The following IMMP2L variants were observed in gnomAD, a reference collection of about 807,000 sequenced individuals.
IMMP2L encodes mitochondrial inner membrane protease subunit 2.
In IMMP2L, 18 loss-of-function variants were observed where a neutral mutation model predicts 19.3. The ratio of observed to expected loss-of-function variants is 0.93; its 90% CI spans 0.64 to 1.38. The LOEUF is 1.38. IMMP2L is among the 40% of genes most tolerant of loss of function. IMMP2L has a pLI of 0.00. For synonymous variants in IMMP2L, 76 were observed against 73.0 expected, an observed-to-expected ratio of 1.04 and a Z score of -0.21; for missense variants, 233 against 218.2, an observed-to-expected ratio of 1.07 and a Z score of -0.43.
At chr7:111,225,071 T>C (rs1013284869) in intron 3 of IMMP2L, among the ~76,000 whole-genome samples, 1 of 152,142 alleles carries the variant, frequency 6.6e-6, no homozygotes, top group Non-Finnish European at 1.5e-5. Context: ...AGCCACTTTT[T>C]TCCACCAAAC....
At chr7:110,687,673 G>A (rs1383167796) in intron 5 of IMMP2L, among the ~76,000 whole-genome samples, 2 of 145,016 alleles carry the variant, frequency 1.4e-5, no homozygotes, top group South Asian at 2.1e-4. Context: ...AATTAAAAAT[G>A]TTACACTTTT....
chr7:111,443,792 T>TA (rs1837996968), intron 3 of IMMP2L, among the ~76,000 whole-genome samples: 1 of 152,268 alleles, frequency 6.6e-6, no homozygotes, highest in South Asian at 2.1e-4. Flanking sequence ...TCTTTAAACT[T>TA]AGTGTATTTT....
chr7:110,729,901 T>G (rs1796139259), intron 5 of IMMP2L, among the ~76,000 whole-genome samples: 1 of 151,574 alleles, frequency 6.6e-6, no homozygotes, highest in South Asian at 2.1e-4. Context: ...ATCCTGCACA[T>G]GTACTCCAGA....
intron 3 of IMMP2L, among the ~76,000 whole-genome samples, chr7:111,330,320 AG>A (rs1398645242): frequency 3.3e-5 from 5 of 151,840 alleles, no homozygotes; most frequent in African/African-American, 1.2e-4. Context: ...AAAAGTAAAA[AG>A]GGTCAAAGAG....
At chr7:111,300,327 T>C (rs1822085544) in intron 3 of IMMP2L, among the ~76,000 whole-genome samples, 1 of 152,188 alleles carries the variant, frequency 6.6e-6, no homozygotes. Context: ...TCACTAGGGC[T>C]GGAAGTCATA....
intron 3 of IMMP2L, among the ~76,000 whole-genome samples, chr7:111,058,564 G>A (rs866025171): frequency 1.2e-4 from 19 of 152,098 alleles, no homozygotes; most frequent in East Asian, 3.9e-4. Flanking sequence ...ATGAATTTGC[G>A]CATTTATGAA....
chr7:111,405,226 A>C (rs1039189903), intron 3 of IMMP2L, among the ~76,000 whole-genome samples: 5 of 152,086 alleles, frequency 3.3e-5, no homozygotes, highest in African/African-American at 1.2e-4. Context: ...AGAAATGGAA[A>C]TACTCAAATT....
At chr7:110,825,668 C>T (rs1289867977) in intron 5 of IMMP2L, among the ~76,000 whole-genome samples, 2 of 152,066 alleles carry the variant, frequency 1.3e-5, no homozygotes, top group Non-Finnish European at 2.9e-5. Context: ...CTTCCTTACA[C>T]CTTATACAAA....
intron 2 of IMMP2L, among the ~76,000 whole-genome samples, chr7:111,503,794 T>G (rs1007421223): frequency 1.7e-4 from 26 of 152,120 alleles, no homozygotes; most frequent in Admixed American, 2.6e-4. Flanking sequence ...AAACTCTCAA[T>G]AAATTAGATA....
chr7:110,688,690 G>A (rs1793284270), intron 5 of IMMP2L, among the ~76,000 whole-genome samples: 1 of 151,820 alleles, frequency 6.6e-6, no homozygotes, highest in South Asian at 2.1e-4. Flanking sequence ...ATTCTACGTA[G>A]CCATGAAAAA....
chr7:111,153,789 T>C (rs1402696697), intron 3 of IMMP2L, among the ~76,000 whole-genome samples: 5 of 152,112 alleles, frequency 3.3e-5, no homozygotes, highest in Admixed American at 2.0e-4. Flanking sequence ...TGGGACACTA[T>C]AAAAATCAAT....
intron 3 of IMMP2L, among the ~76,000 whole-genome samples, chr7:111,154,156 C>T (rs1386341710): frequency 6.6e-6 from 1 of 152,018 alleles, no homozygotes; most frequent in Non-Finnish European, 1.5e-5. Flanking sequence ...GAAGTATATG[C>T]TCTATTATAC....
chr7:111,107,355 A>G (rs1316100102), intron 3 of IMMP2L, among the ~76,000 whole-genome samples: 2 of 152,068 alleles, frequency 1.3e-5, no homozygotes, highest in African/African-American at 4.8e-5. Context: ...TCCTTTCAAC[A>G]TTCTGTTGTA....
intron 3 of IMMP2L, among the ~76,000 whole-genome samples, chr7:111,442,931 A>T (rs1365729131): frequency 6.6e-6 from 1 of 151,944 alleles, no homozygotes; most frequent in Non-Finnish European, 1.5e-5. Context: ...ACAGAAAAAA[A>T]GCCTCTATGT....
intron 3 of IMMP2L, among the ~76,000 whole-genome samples, chr7:111,463,152 C>A (rs1231497387): frequency 6.6e-6 from 1 of 151,870 alleles, no homozygotes; most frequent in Non-Finnish European, 1.5e-5. Context: ...CCATCTTCTG[C>A]CTATATCTCT....
chr7:111,518,453 C>A (rs1846057738), intron 2 of IMMP2L, among the ~76,000 whole-genome samples: 1 of 152,020 alleles, frequency 6.6e-6, no homozygotes, highest in South Asian at 2.1e-4. Flanking sequence ...AGTGGCTTTT[C>A]CCAGAGTAAA....
intron 4 of IMMP2L, among the ~76,000 whole-genome samples, chr7:110,930,319 G>GT (rs34021196): frequency 0.015 from 2,178 of 148,118 alleles, 36 homozygotes; most frequent in African/African-American, 0.044. Flanking sequence ...TCATTAACAT[G>GT]TTTTTTTTTT....
intron 3 of IMMP2L, among the ~76,000 whole-genome samples, chr7:111,072,588 T>C (rs538062724): frequency 2.0e-5 from 3 of 150,132 alleles, no homozygotes; most frequent in South Asian, 2.1e-4. Flanking sequence ...AAATAAAAGC[T>C]GAAAACTTTC....
intron 5 of IMMP2L, among the ~76,000 whole-genome samples, chr7:110,813,129 T>C (rs1802164810): frequency 6.6e-6 from 1 of 152,072 alleles, no homozygotes; most frequent in African/African-American, 2.4e-5. Flanking sequence ...GAAAAAGTTG[T>C]CATAAAATCA....
Sources: gnomAD v4.1 joint callset for allele counts (sites outside exome capture counted in the v4.1 genomes callset) on GRCh38, gnomAD v4.1.1 for gene constraint, MANE v1.5 for transcripts, NCBI Gene and HGNC (gene_info 2026-07-23, HGNC 2026-07-21) for gene names.